The following MED16 variants were observed in gnomAD, a reference collection of about 807,000 sequenced individuals.
MED16 encodes the protein mediator of RNA polymerase II transcription subunit 16.
In MED16, 81 loss-of-function variants were observed where a neutral mutation model predicts 84.4. The ratio of observed to expected loss-of-function variants is 0.96; its 90% confidence interval spans 0.80 to 1.15. The LOEUF (loss-of-function observed/expected upper bound fraction) is 1.15, where lower values mean the gene tolerates loss of function less well. MED16 is among the 50% of genes most tolerant of loss of function. MED16 has a pLI of 0.00. For missense variants in MED16, 1,585 were observed against 1,245.9 expected (o/e 1.27, Z -4.10); for synonymous variants, 897 against 552.2 (o/e 1.62, Z -8.76).
chr19:875,444 G>A lies in MED16; in HGVS notation c.1571C>T (p.Thr524Ile). 6 of 1,601,754 alleles carry A rather than the reference G, an allele frequency of 3.7e-6. No individual in the cohort carries two copies. The highest frequency in any genetic ancestry group is 5.1e-6 in the Non-Finnish European group (6 of 1,179,466). The change falls in exon 10 of 16, where the codon ACC (threonine) becomes ATC (isoleucine). Residue 524 changes from threonine to isoleucine, a missense_variant. Coordinates refer to ENST00000325464, the MANE Select transcript of MED16 (RefSeq NM_005481.3). ...QTAALQQVLS[T>I]RILAMKASLC... ...CGAGGCCTTCATGGCCAGGATCCGGGTGGAGAGGACCTGAGGGCAGGAAGC... is the reference window on the plus strand; with the variant it reads ...CGAGGCCTTCATGGCCAGGATCCGGATGGAGAGGACCTGAGGGCAGGAAGC...
rs1250869092 is a variant in MED16, at chr19:891,025, G to A, written c.107C>T (p.Ala36Val). 4 of 1,613,976 alleles carry A rather than the reference G, an allele frequency of 2.5e-6. No individual in the cohort carries two copies. Among genetic ancestry groups the A allele is most frequent in the Non-Finnish European group, 3.4e-6 (4 of 1,180,032 alleles). ...GAGATTTCGGCAGGACCAGGCGCAG[G>A]CCAGGGGCACCGATGGGCAGTGGGT... is the stretch of plus-strand genomic sequence containing the variant. ...KSTHCPSVPLACAWSCRNLIA... is the reference protein window; with the variant it reads ...KSTHCPSVPLVCAWSCRNLIA... Residue 36 changes from alanine (A) to valine (V), a missense_variant, in exon 2 of 16, where the codon GCC becomes GTC. Ala to Val is a moderately conservative substitution (Grantham distance 64). Coordinates refer to ENST00000325464, the MANE Select transcript of MED16 (RefSeq NM_005481.3).
intron 6 of MED16, among the ~76,000 whole-genome samples, chr19:881,930 T>G (rs1026627196): frequency 6.6e-6 from 1 of 152,126 alleles, no homozygotes; most frequent in African/African-American, 2.4e-5. Context: ...TGACCCAAGG[T>G]GGGCCCTGGG....
Position 880,031 on chromosome 19 carries a change from T to G in MED16, c.1259A>C (p.Lys420Thr), listed in dbSNP as rs781280725. ...APRPVDEPAM[K>T]RPRTAGPAVH... The stretch of plus-strand genomic sequence containing the variant: ...GGCGGGGCCCGCGGTGCGGGGGCGC[T>G]TCATGGCCGGCTCATCCACAGGCCT... The change falls in exon 8 of 16, where the codon AAG becomes ACG. Residue 420 changes from lysine (K) to threonine (T), a missense_variant. Lys to Thr is a moderately conservative substitution (Grantham distance 78, BLOSUM62 -1). Coordinates refer to ENST00000325464, the MANE Select transcript of MED16 (RefSeq NM_005481.3). 1 of 1,610,870 alleles carries G rather than the reference T, an allele frequency of 6.2e-7. No homozygotes were observed. The highest frequency in any genetic ancestry group is 2.2e-5 in the East Asian group (1 of 44,846).
rs563090751 is a variant in MED16 at position 875,236 on chromosome 19, G to C, written c.1771+8C>G. On this transcript the variant is annotated splice_region_variant and intron_variant, in intron 10 of 15. Coordinates refer to ENST00000325464, the MANE Select transcript of MED16 (RefSeq NM_005481.3). Reference sequence around the variant, plus strand: ...ACCTCGAGGCCCCGGGCGTGGAAAAGGACCCACCGACGTCGGTGATCTTGG... The same window carrying C: ...ACCTCGAGGCCCCGGGCGTGGAAAACGACCCACCGACGTCGGTGATCTTGG... 1 of 1,594,940 alleles carries C rather than the reference G, an allele frequency of 6.3e-7. No individual in the cohort carries two copies. Among genetic ancestry groups the C allele is most frequent in the East Asian group, 2.3e-5 (1 of 44,296 alleles).
At chr19:890,094 G>A (rs1262539766) in intron 3 of MED16, 43 bp downstream of exon 3, 2 of 1,434,620 alleles carry the variant, frequency 1.4e-6, no homozygotes, top group African/African-American at 2.8e-5. Context: ...CCTGCTCCGG[G>A]ATCCGGGTCG....
At chr19:877,840 C>A (rs2036292858) in intron 8 of MED16, among the ~76,000 whole-genome samples, 1 of 138,782 alleles carries the variant, frequency 7.2e-6, no homozygotes, top group Non-Finnish European at 1.6e-5. Flanking sequence ...TCAATGCCCA[C>A]CAAGCCCAGC....
intron 13 of MED16, among the ~76,000 whole-genome samples, chr19:870,276 G>A (rs2036015074): frequency 6.6e-6 from 1 of 152,150 alleles, no homozygotes; most frequent in African/African-American, 2.4e-5. Context: ...AAACACCAAG[G>A]CAAGGCCGGG....
At chr19:871,676 A>G in intron 12 of MED16, 1 of 1,544,052 alleles carries the variant, frequency 6.5e-7, no homozygotes, top group Non-Finnish European at 8.8e-7. Flanking sequence ...GGGAAATAGC[A>G]GATATCAAGG....
intron 8 of MED16, 115 bp from the exon 9 acceptor site, chr19:877,295 C>CGT (rs1555716090): frequency 8.5e-6 from 8 of 941,306 alleles, no homozygotes; most frequent in Middle Eastern, 3.2e-4. Flanking sequence ...CGCGCACGCC[C>CGT]GTGTGTGGGC....
rs1437440864 is a variant in MED16, at chr19:868,936, G to C, written c.2326C>G (p.Gln776Glu). Residue 776 changes from glutamine to glutamate, a missense_variant, in exon 14 of 16, where the codon CAG (glutamine) becomes GAG (glutamate). Coordinates refer to ENST00000325464, the MANE Select transcript of MED16 (RefSeq NM_005481.3). The stretch of plus-strand genomic sequence containing the variant: ...CTCCGCAGGTGGTCGATCTTGGGCT[G>C]GCCTGGGGCCCTGGCGGGAGAGGGG... The part of the protein sequence containing the change: ...QLDGLARAPG[Q>E]PKIDHLRRLH... The C allele has an allele frequency of 9.1e-6, 14 of 1,541,334 alleles. No homozygotes were observed. Among genetic ancestry groups the C allele is most frequent in the Non-Finnish European group, 1.1e-5 (13 of 1,150,480 alleles).
intron 9 of MED16, among the ~76,000 whole-genome samples, chr19:876,512 G>C (rs796297860): frequency 1.3e-5 from 2 of 152,090 alleles, no homozygotes; most frequent in Admixed American, 1.3e-4. Context: ...GTCCAGGGGG[G>C]ATCAGGCCTT....
chr19:878,362 C>G (rs2036316887), intron 8 of MED16, among the ~76,000 whole-genome samples: 14 of 14,538 alleles, frequency 9.6e-4, no homozygotes, highest in Non-Finnish European at 1.5e-3. Flanking sequence ...CCCACCAGCC[C>G]CAGCCCCAGC....
rs201573442 is a variant in MED16 at position 881,671 on chromosome 19, C to T, written c.1029G>A (p.Ser343=). 40 of 1,612,246 alleles carry T rather than the reference C, an allele frequency of 2.5e-5. No individual in the cohort carries two copies. The highest frequency in any genetic ancestry group is 1.6e-4 in the Middle Eastern group (1 of 6,076). The change falls in exon 7 of 16, where the codon TCG becomes TCA. Residue 343 remains serine, a synonymous_variant. Transcript: ENST00000325464. The part of the protein sequence containing the change: ...QPTILKWRIL[S]ATNDLDRVSA... ...ACACACGGTCCAGATCGTTGGTGGC[C>T]GATAGGATCCGCCATTTGAGAATTG...
rs983304919 is a variant in MED16, at chr19:871,268, G to A, written c.2099-15C>T. The A allele has an allele frequency of 1.6e-5, 25 of 1,526,828 alleles. No homozygotes were observed. Among genetic ancestry groups the A allele is most frequent in the South Asian group, 2.4e-5 (2 of 83,266 alleles). The allele number at this position is 1,526,828 out of a possible 1,614,324, so 94.6% of individuals were successfully genotyped here. On this transcript the variant is annotated splice_polypyrimidine_tract_variant and intron_variant, in intron 12 of 15. Coordinates refer to ENST00000325464, the MANE Select transcript of MED16 (RefSeq NM_005481.3). ...CTCATCGCGACCTGCGGAGAGAGGT[G>A]GCGGAAGTCTCAGCACCCCTGACTG...
chr19:868,239 GCCTTCAACAGC>G lies in MED16; in HGVS notation c.2485_2495del (p.Ala829ProfsTer13), dbSNP rs761849051. ...TGGTCACGCAGGCGTCCGGCCCACGGCCTTCAACAGCCCTGCAGGGCGGGCTGAGGTTAACC... is the reference window on the plus strand; with the variant it reads ...TGGTCACGCAGGCGTCCGGCCCACGGCCTGCAGGGCGGGCTGAGGTTAACC... On this transcript the variant is annotated frameshift_variant and splice_region_variant, in exon 16 of 16. Coordinates refer to ENST00000325464, the MANE Select transcript of MED16 (RefSeq NM_005481.3). LOFTEE classifies it low-confidence loss of function (END_TRUNC). 1 of 1,595,112 alleles carries G rather than the reference GCCTTCAACAGC, an allele frequency of 6.3e-7. No individual in the cohort carries two copies. Among genetic ancestry groups the G allele is most frequent in the East Asian group, 2.3e-5 (1 of 44,094 alleles).
Position 868,010 on chromosome 19 carries a change from G to C in MED16, c.*91C>G. On this transcript the variant is annotated 3_prime_UTR_variant, in exon 16 of 16. Coordinates refer to ENST00000325464, the MANE Select transcript of MED16 (RefSeq NM_005481.3). ...GACCTGTCCTTCCCAGCCGCTGCTTGTCCAGGTTCAGCGCTCTCCGCGGGT... is the reference window on the plus strand; with the variant it reads ...GACCTGTCCTTCCCAGCCGCTGCTTCTCCAGGTTCAGCGCTCTCCGCGGGT... The C allele has an allele frequency of 4.1e-6, 6 of 1,470,584 alleles. No individual in the cohort carries two copies. The South Asian group carries it at 6.7e-5, about 16-fold the overall frequency. 91.1% of individuals were successfully genotyped at this position (1,470,584 alleles called of 1,614,324 possible). A position where few individuals can be genotyped will look rare whatever the true frequency, so the allele number is the denominator to read the frequency against.
At chr19:891,170 G>A (rs2145260484) in intron 1 of MED16, 21 bp from the exon 2 acceptor site, 2 of 1,590,194 alleles carry the variant, frequency 1.3e-6, no homozygotes, top group Non-Finnish European at 8.6e-7. Context: ...GAGGTGTGGT[G>A]GGACGTCTAT....
Position 881,615 on chromosome 19 carries a change from G to A in MED16, c.1085C>T (p.Ser362Leu). Residue 362 changes from serine (S) to leucine (L), a missense_variant, in exon 7 of 16, where the codon TCG (serine) becomes TTG (leucine). By Grantham distance (145) the Ser-to-Leu change is moderately radical (BLOSUM62 -2). Transcript: ENST00000325464. ...SAVALPKLPI[S>L]LTNTDLKVAS... ...CACCTTGAGGTCGGTGTTGGTGAGC[G>A]AGATGGGCAGCTTGGGCAGCGCCAC... 1.2e-6 allele frequency: 2 copies of A among 1,612,744 alleles called. No individual in the cohort carries two copies. Among genetic ancestry groups the A allele is most frequent in the East Asian group, 2.2e-5 (1 of 44,890 alleles).
rs553443853 is a variant in MED16, at chr19:876,897, G to GC, written c.1560+76dup. The GC allele has an allele frequency of 0.015, 19,909 of 1,357,620 alleles. 1,942 individuals carry two copies. In the East Asian group the frequency reaches 0.26, roughly 18 times the overall value. The allele number at this position is 1,357,620 out of a possible 1,614,324, so 84.1% of individuals were successfully genotyped here. On this transcript the variant is annotated intron_variant, in intron 9 of 15. Transcript: ENST00000325464. The stretch of plus-strand genomic sequence containing the variant: ...CCACGGGGCCCCCACCTGCCACGGG[G>GC]CCCCACCTGCCACGGGGCCCCCACC...
Sources: allele counts gnomAD v4.1 joint callset (sites outside exome capture counted in the v4.1 genomes callset), GRCh38; gene constraint gnomAD v4.1.1; transcripts MANE v1.5; gene names NCBI Gene and HGNC (gene_info 2026-07-23, HGNC 2026-07-21).